Variants in CNNM2 observed in about 807,000 individuals in gnomAD.
CNNM2 encodes metal transporter CNNM2.
Under a neutral mutation model 66.9 loss-of-function variants are expected in CNNM2, and 12 were observed. That is an observed-to-expected ratio of 0.18 (90% CI 0.11 to 0.29). CNNM2 has a LOEUF of 0.29. Ranked by LOEUF, CNNM2 falls within the 10% of genes least tolerant of loss-of-function variation. CNNM2 has a pLI of 1.00. For missense variants in CNNM2, 705 were observed against 1,167.7 expected, an observed-to-expected ratio of 0.60 and a Z score of 5.77; for synonymous variants, 557 against 501.8, an observed-to-expected ratio of 1.11 and a Z score of -1.47.
intron 2 of CNNM2, among the ~76,000 whole-genome samples, chr10:103,053,049 C>T (rs1314647599): frequency 6.6e-6 from 1 of 152,230 alleles, no homozygotes; most frequent in Non-Finnish European, 1.5e-5. Flanking sequence ...CAATTGGGGT[C>T]TTGTCTTTAA....
chr10:102,921,293 C>A (rs1845626309), intron 1 of CNNM2, among the ~76,000 whole-genome samples: 1 of 152,168 alleles, frequency 6.6e-6, no homozygotes, highest in South Asian at 2.1e-4. Context: ...AGTTTCCCTT[C>A]TTCAAATAGA....
intron 1 of CNNM2, among the ~76,000 whole-genome samples, chr10:103,018,097 T>C (rs2064492284): frequency 6.6e-6 from 1 of 152,066 alleles, no homozygotes; most frequent in African/African-American, 2.4e-5. Flanking sequence ...TCTTACCCTT[T>C]AGAAAAGATT....
intron 1 of CNNM2, among the ~76,000 whole-genome samples, chr10:102,938,882 CT>C: frequency 6.6e-6 from 1 of 152,190 alleles, no homozygotes; most frequent in East Asian, 1.9e-4. Flanking sequence ...CATTTTAATG[CT>C]TTCCTCTGAA....
At chr10:103,034,767 C>A (rs1206808730) in intron 1 of CNNM2, among the ~76,000 whole-genome samples, 1 of 152,024 alleles carries the variant, frequency 6.6e-6, no homozygotes. Flanking sequence ...CTGATCGAGA[C>A]CATCCTGGCT....
At chr10:102,996,320 A>G (rs563874267) in intron 1 of CNNM2, among the ~76,000 whole-genome samples, 81 of 151,090 alleles carry the variant, frequency 5.4e-4, no homozygotes, top group African/African-American at 1.8e-3. Context: ...TTGTATCCCT[A>G]TATTCTGCCA....
intron 7 of CNNM2, 85 bp downstream of exon 7, chr10:103,076,355 C>T: frequency 7.6e-7 from 1 of 1,320,174 alleles, no homozygotes; most frequent in Non-Finnish European, 1.1e-6. Context: ...TCCTTGCCCT[C>T]CTCAGAACTC....
chr10:103,023,987 C>T (rs1020665777), intron 1 of CNNM2, among the ~76,000 whole-genome samples: 1 of 152,182 alleles, frequency 6.6e-6, no homozygotes, highest in Non-Finnish European at 1.5e-5. Flanking sequence ...ACTTCTTCCA[C>T]ATAACCTAAT....
At chr10:102,944,932 T>A (rs1846556193) in intron 1 of CNNM2, among the ~76,000 whole-genome samples, 1 of 152,082 alleles carries the variant, frequency 6.6e-6, no homozygotes, top group Non-Finnish European at 1.5e-5. Context: ...TTATCTTATC[T>A]TCTCATAATT....
intron 1 of CNNM2, among the ~76,000 whole-genome samples, chr10:102,969,708 G>A (rs936895694): frequency 2.6e-5 from 4 of 151,342 alleles, no homozygotes; most frequent in African/African-American, 4.9e-5. Context: ...GCAGTGTTGC[G>A]ATCTCAGCTC....
rs1209627914 is a variant in CNNM2 at position 103,079,052 on chromosome 10, G to A, written c.*1872G>A. On this transcript the variant is annotated 3_prime_UTR_variant, in exon 8 of 8. Coordinates refer to ENST00000369878, the MANE Select transcript of CNNM2 (RefSeq NM_017649.5). ...GTCACAGGGACCCCCCGAGGGTGCTGAGTGGCCTGCTACTGGCACGCAACC... is the reference window on the plus strand; with the variant it reads ...GTCACAGGGACCCCCCGAGGGTGCTAAGTGGCCTGCTACTGGCACGCAACC... 3 of 152,250 alleles carry A rather than the reference G, an allele frequency of 2.0e-5. No homozygotes were observed. Among genetic ancestry groups the A allele is most frequent in the Non-Finnish European group, 4.4e-5 (3 of 68,074 alleles). 9.4% of individuals were successfully genotyped at this position (152,250 alleles called of 1,614,324 possible).
In CNNM2 at chr10:102,919,579, C is replaced by T; in HGVS notation, c.1099C>T (p.His367Tyr). ...CGTGCCCCAGGCCATCTGCTCCCGG[C>T]ATGGCCTGGCTGTGGGGGCCAACAC... ...EIVPQAICSRHGLAVGANTIF... is the reference protein window; with the variant it reads ...EIVPQAICSRYGLAVGANTIF... The change falls in exon 1 of 8, where the codon CAT becomes TAT. Residue 367 changes from histidine (H) to tyrosine (Y), a missense_variant. Transcript: ENST00000369878. 1 of 1,613,614 alleles carries T rather than the reference C, an allele frequency of 6.2e-7. No homozygotes were observed. The highest frequency in any genetic ancestry group is 8.5e-7 in the Non-Finnish European group (1 of 1,180,036).
chr10:103,022,837 G>A (rs1235910778), intron 1 of CNNM2, among the ~76,000 whole-genome samples: 2 of 152,156 alleles, frequency 1.3e-5, no homozygotes, highest in Admixed American at 6.5e-5. Context: ...CATGGTGAAA[G>A]GCAAAGGGGG....
intron 4 of CNNM2, among the ~76,000 whole-genome samples, chr10:103,063,211 C>T (rs2065418066): frequency 6.6e-6 from 1 of 152,138 alleles, no homozygotes; most frequent in African/African-American, 2.4e-5. Context: ...ATTGCAGACT[C>T]CAGATTGAAA....
chr10:102,982,563 T>G (rs1206661670), intron 1 of CNNM2, among the ~76,000 whole-genome samples: 1 of 152,244 alleles, frequency 6.6e-6, no homozygotes, highest in African/African-American at 2.4e-5. Flanking sequence ...GGCTGTTTGC[T>G]CGGCCTAGCT....
chr10:102,994,319 G>T (rs1402932390), intron 1 of CNNM2, among the ~76,000 whole-genome samples: 2 of 152,204 alleles, frequency 1.3e-5, no homozygotes, highest in Non-Finnish European at 2.9e-5. Flanking sequence ...TTAAGCAGGA[G>T]AGGTTTACCA....
intron 1 of CNNM2, among the ~76,000 whole-genome samples, chr10:102,943,453 C>CA (rs891832246): frequency 2.0e-5 from 3 of 150,066 alleles, no homozygotes; most frequent in Admixed American, 6.6e-5. Flanking sequence ...AAACAAAAAA[C>CA]AAAAAAAAAT....
chr10:103,030,156 C>A (rs577389519), intron 1 of CNNM2, among the ~76,000 whole-genome samples: 1 of 152,220 alleles, frequency 6.6e-6, no homozygotes, highest in East Asian at 1.9e-4. Context: ...ATGGAATGAG[C>A]AAAGCTATGG....
intron 5 of CNNM2, among the ~76,000 whole-genome samples, chr10:103,071,216 G>A (rs1362125781): frequency 6.6e-6 from 1 of 152,228 alleles, no homozygotes; most frequent in Non-Finnish European, 1.5e-5. Flanking sequence ...AAGTGGTGAT[G>A]AGGATGACTC....
chr10:102,932,645 C>T lies in CNNM2; in HGVS notation c.1621+12544C>T, dbSNP rs114857239. On this transcript the variant is annotated intron_variant, in intron 1 of 7. Coordinates refer to ENST00000369878, the MANE Select transcript of CNNM2 (RefSeq NM_017649.5). ...TCAAAAATCAATTGGTAACCAGGCA[C>T]GGTGGCTCACGCCTGTAATCCCGGA... is the stretch of plus-strand genomic sequence containing the variant. 0.016 allele frequency among the ~76,000 whole-genome samples: 2,383 copies of T among 152,184 alleles called. 56 individuals are homozygous for T. The highest frequency in any genetic ancestry group is 0.053 in the African/African-American group (2,217 of 41,518).
Sources: gnomAD v4.1 joint callset for allele counts (sites outside exome capture counted in the v4.1 genomes callset) on GRCh38, gnomAD v4.1.1 for gene constraint, MANE v1.5 for transcripts, NCBI Gene and HGNC (gene_info 2026-07-23, HGNC 2026-07-21) for gene names.